The following CHKA variants were observed in gnomAD, a reference collection of about 807,000 sequenced individuals.
The protein encoded by CHKA is CHETK-alpha.
In CHKA, 34 loss-of-function variants were observed where a neutral mutation model predicts 60.1. That is an observed-to-expected ratio of 0.57 (90% CI 0.43 to 0.75). CHKA has a LOEUF of 0.75. Ranked by LOEUF, CHKA falls within the 30% of genes least tolerant of loss-of-function variation. CHKA has a pLI of 0.00. For missense variants in CHKA, 563 were observed against 561.3 expected (o/e 1.00, Z -0.03); for synonymous variants, 217 against 223.1 (o/e 0.97, Z 0.24).
At chr11:68,093,420 A>G (rs1857411488) in intron 2 of CHKA, among the ~76,000 whole-genome samples, 1 of 152,238 alleles carries the variant, frequency 6.6e-6, no homozygotes. Context: ...CTGAGAAGCT[A>G]AATGTAGGGT....
intron 4 of CHKA, among the ~76,000 whole-genome samples, chr11:68,071,669 G>T (rs180805240): frequency 4.3e-4 from 66 of 152,358 alleles, no homozygotes; most frequent in Non-Finnish European, 6.6e-4. Flanking sequence ...AACCTCAGTT[G>T]AAATTGTGGC....
At chr11:68,080,410 C>T (rs1030906404) in intron 3 of CHKA, among the ~76,000 whole-genome samples, 10 of 151,976 alleles carry the variant, frequency 6.6e-5, no homozygotes. Flanking sequence ...TGCAGTGGCA[C>T]AATCTCGGTC....
At chr11:68,077,293 G>A (rs1002191201) in intron 3 of CHKA, among the ~76,000 whole-genome samples, 1 of 152,106 alleles carries the variant, frequency 6.6e-6, no homozygotes, top group African/African-American at 2.4e-5. Context: ...AAAATGACAG[G>A]TTAAGGACAG....
chr11:68,062,892 C>A (rs1459336751), intron 10 of CHKA, among the ~76,000 whole-genome samples: 1 of 152,038 alleles, frequency 6.6e-6, no homozygotes, highest in Admixed American at 6.6e-5. Context: ...CTGGAGGCCA[C>A]GAGGAGATGA....
intron 11 of CHKA, among the ~76,000 whole-genome samples, chr11:68,058,901 CT>C (rs996515178): frequency 1.3e-5 from 2 of 150,722 alleles, no homozygotes; most frequent in Non-Finnish European, 3.0e-5. Flanking sequence ...GTGGGTTTTC[CT>C]TTTTTTTTAT....
chr11:68,080,029 G>A (rs917658164), intron 3 of CHKA, among the ~76,000 whole-genome samples: 3 of 152,226 alleles, frequency 2.0e-5, no homozygotes, highest in Non-Finnish European at 4.4e-5. Flanking sequence ...ATGCTACTGA[G>A]AAGTCAAAAT....
chr11:68,058,551 C>A (rs1206736692), intron 11 of CHKA, among the ~76,000 whole-genome samples: 10 of 152,148 alleles, frequency 6.6e-5, no homozygotes, highest in Admixed American at 6.5e-4. Context: ...TTTCCATGTA[C>A]AGTTGTTTCT....
Position 68,068,909 on chromosome 11 carries a change from C to G in CHKA, c.898G>C (p.Val300Leu). 6 of 1,612,760 alleles carry G rather than the reference C, an allele frequency of 3.7e-6. No individual in the cohort carries two copies. The highest frequency in any genetic ancestry group is 5.1e-6 in the Non-Finnish European group (6 of 1,179,224). Residue 300 changes from valine to leucine, a missense_variant, in exon 7 of 12, where the codon GTT becomes CTT. Transcript: ENST00000265689. ...RSLLESTPSP[V>L]VFCHNDCQEG... ...TGACAGTCATTATGACAAAATACAA[C>G]TGGAGATGGAGTAGATTCAAGCAAT...
chr11:68,075,786 T>C (rs1427554572), intron 3 of CHKA, among the ~76,000 whole-genome samples: 2 of 152,210 alleles, frequency 1.3e-5, no homozygotes, highest in East Asian at 3.9e-4. Context: ...GAAGTCTCTT[T>C]TTAAAAAAAA....
At chr11:68,097,688 G>A (rs373272681) in intron 1 of CHKA, among the ~76,000 whole-genome samples, 2 of 151,628 alleles carry the variant, frequency 1.3e-5, no homozygotes, top group East Asian at 1.9e-4. Context: ...CTTCTCTAGG[G>A]CTTTCCATTT....
chr11:68,084,408 A>G (rs1433664312), intron 2 of CHKA, among the ~76,000 whole-genome samples: 3 of 90,416 alleles, frequency 3.3e-5, no homozygotes, highest in Non-Finnish European at 6.7e-5. Flanking sequence ...ATACGTATAT[A>G]TGTGTATATA....
chr11:68,070,138 A>C, intron 6 of CHKA, 51 bp downstream of exon 6: 1 of 1,299,130 alleles, frequency 7.7e-7, no homozygotes, highest in Non-Finnish European at 1.1e-6. Flanking sequence ...TACTGACAAC[A>C]GTTTTAGTGA....
At chr11:68,059,107 C>T (rs1856128005) in intron 11 of CHKA, among the ~76,000 whole-genome samples, 1 of 152,178 alleles carries the variant, frequency 6.6e-6, no homozygotes, top group African/African-American at 2.4e-5. Context: ...GTTAGTCAGG[C>T]TGGTCTCGAA....
intron 3 of CHKA, among the ~76,000 whole-genome samples, chr11:68,079,778 G>A (rs1856916604): frequency 6.6e-6 from 1 of 152,206 alleles, no homozygotes; most frequent in Admixed American, 6.5e-5. Flanking sequence ...TGAGACATCC[G>A]AGGAGAGACT....
At chr11:68,070,062 A>G (rs1008771637) in intron 6 of CHKA, 127 bp downstream of exon 6, 6 of 737,594 alleles carry the variant, frequency 8.1e-6, no homozygotes, top group African/African-American at 3.6e-5. Flanking sequence ...GACAAAACTT[A>G]TGGTTTAAAT....
At chr11:68,062,868 T>G (rs868416687) in intron 10 of CHKA, among the ~76,000 whole-genome samples, 11 of 152,052 alleles carry the variant, frequency 7.2e-5, no homozygotes, top group Non-Finnish European at 1.5e-4. Context: ...CACTTAGTGT[T>G]GGGGGTGAGC....
intron 3 of CHKA, among the ~76,000 whole-genome samples, chr11:68,079,921 C>T (rs1380378592): frequency 1.3e-5 from 2 of 152,024 alleles, no homozygotes; most frequent in East Asian, 1.9e-4. Context: ...AATCATGGGG[C>T]GCCCTAGCAT....
At chr11:68,069,052 G>T (rs901256148) in intron 6 of CHKA, 115 bp from the exon 7 acceptor site, 4 of 703,426 alleles carry the variant, frequency 5.7e-6, no homozygotes, top group Middle Eastern at 2.4e-4. Flanking sequence ...CACAGTTTCA[G>T]AGTAGTATCT....
At chr11:68,058,054 C>A (rs1051728935) in intron 11 of CHKA, among the ~76,000 whole-genome samples, 3 of 152,088 alleles carry the variant, frequency 2.0e-5, no homozygotes, top group African/African-American at 7.2e-5. Context: ...AGACACCCAG[C>A]TAATTGTTTC....
Sources: allele counts gnomAD v4.1 joint callset (sites outside exome capture counted in the v4.1 genomes callset), GRCh38; gene constraint gnomAD v4.1.1; transcripts MANE v1.5; gene names NCBI Gene and HGNC (gene_info 2026-07-23, HGNC 2026-07-21).